SFI1: variants seen among roughly 807,000 people sequenced by gnomAD.
The protein encoded by SFI1 is SFI1 centrin binding protein, also known as protein SFI1 homolog.
A neutral mutation model predicts 207.5 loss-of-function variants in SFI1; 195 were observed. That is an observed-to-expected ratio of 0.94 (90% CI 0.84 to 1.06). The LOEUF (loss-of-function observed/expected upper bound fraction) is 1.06, where lower values mean the gene tolerates loss of function less well. SFI1 is among the 50% of genes least tolerant of loss of function. The pLI, the probability that SFI1 is intolerant of heterozygous loss-of-function variation, is 0.00. For synonymous variants in SFI1, 630 were observed against 598.9 expected (o/e 1.05, Z -0.76); for missense variants, 1,634 against 1,588.0 (o/e 1.03, Z -0.49).
chr22:31,611,729 T>G (rs1603352682), intron 23 of SFI1, 37 bp from the exon 24 acceptor site: 1 of 1,600,376 alleles, frequency 6.2e-7, no homozygotes, highest in Non-Finnish European at 8.5e-7. Context: ...CTAGGCTGGG[T>G]CAGGACGCCA....
At chr22:31,591,607 C>G (rs2065936778) in intron 15 of SFI1, among the ~76,000 whole-genome samples, 1 of 126,290 alleles carries the variant, frequency 7.9e-6, no homozygotes, top group Admixed American at 7.4e-5. Context: ...GCTGACCCCC[C>G]CCACCTCCCT....
intron 1 of SFI1, among the ~76,000 whole-genome samples, chr22:31,507,981 C>A (rs1051442746): frequency 1.3e-5 from 2 of 151,972 alleles, no homozygotes; most frequent in Non-Finnish European, 2.9e-5. Flanking sequence ...GAGGTTGAGG[C>A]AGGAGAATCG....
At chr22:31,564,066 A>G (rs1028893359) in intron 8 of SFI1, among the ~76,000 whole-genome samples, 14 of 151,446 alleles carry the variant, frequency 9.2e-5, no homozygotes, top group Non-Finnish European at 1.8e-4. Flanking sequence ...GGTGGCTCAC[A>G]CCTGTAATCC....
At position 31,618,454 on chromosome 22, in the gene SFI1, G is replaced by A. The variant is rs995374688; in HGVS notation, c.*36G>A. On this transcript the variant is annotated 3_prime_UTR_variant, in exon 33 of 33. Transcript: ENST00000400288. ...CCAGGAACGCAGGTGCTGGGCTGTC[G>A]GGGAGGCCTCAGGCCACCTCCAGGA... 1.7e-5 allele frequency: 26 copies of A among 1,496,568 alleles called. No individual in the cohort carries two copies. The highest frequency in any genetic ancestry group is 9.6e-5 in the Admixed American group (4 of 41,548). The allele number at this position is 1,496,568 out of a possible 1,614,324, so 92.7% of individuals were successfully genotyped here. A position where few individuals can be genotyped will look rare whatever the true frequency, so the allele number is the denominator to read the frequency against.
intron 12 of SFI1, among the ~76,000 whole-genome samples, chr22:31,582,220 A>ATATATATATATATAT (rs2064331670): frequency 2.8e-4 from 9 of 32,526 alleles, no homozygotes; most frequent in African/African-American, 9.0e-4. Flanking sequence ...ATATATATAT[A>ATATATATATATATAT]TATATATATA....
intron 31 of SFI1, among the ~76,000 whole-genome samples, chr22:31,617,419 A>T (rs1295981828): frequency 6.6e-6 from 1 of 152,036 alleles, no homozygotes; most frequent in Admixed American, 6.6e-5. Flanking sequence ...TATAACACTG[A>T]TATTAAAGGT....
chr22:31,519,551 C>T (rs2056959048), intron 2 of SFI1, among the ~76,000 whole-genome samples: 2 of 152,068 alleles, frequency 1.3e-5, no homozygotes. Context: ...ATTCTCCTGC[C>T]TCAGCCCCCC....
intron 4 of SFI1, among the ~76,000 whole-genome samples, chr22:31,537,073 T>C (rs1269761728): frequency 6.6e-6 from 1 of 152,078 alleles, no homozygotes; most frequent in East Asian, 1.9e-4. Context: ...CACCTGGAGA[T>C]TGGCAGTTAC....
chr22:31,578,130 A>G (rs1002995586), intron 10 of SFI1: 7 of 310,082 alleles, frequency 2.3e-5, no homozygotes, highest in African/African-American at 1.5e-4. Flanking sequence ...AGTTTATCTC[A>G]GGTATTTTTT....
In SFI1 at chr22:31,585,048, T is replaced by C. The variant is rs1364092935; in HGVS notation, c.1347-20T>C. On this transcript the variant is annotated intron_variant, in intron 13 of 32. Coordinates refer to ENST00000400288, the MANE Select transcript of SFI1 (RefSeq NM_001007467.3). ...GTTTTAAAAACTTGAAACCTGAAGG[T>C]GTTCTTCCTTTTGTTTCAGAATAGC... 6.2e-7 allele frequency: 1 copy of C among 1,610,152 alleles called. No individual in the cohort carries two copies. Among genetic ancestry groups the C allele is most frequent in the African/African-American group, 1.3e-5 (1 of 74,892 alleles).
At chr22:31,520,163 C>A (rs191662636) in intron 2 of SFI1, among the ~76,000 whole-genome samples, 145 of 150,348 alleles carry the variant, frequency 9.6e-4, no homozygotes, top group African/African-American at 3.2e-3. Flanking sequence ...CCTTTGTAAT[C>A]ACCACCTGTT....
At chr22:31,563,435 C>T (rs1297401945) in intron 8 of SFI1, among the ~76,000 whole-genome samples, 1 of 152,108 alleles carries the variant, frequency 6.6e-6, no homozygotes, top group African/African-American at 2.4e-5. Context: ...TATAGGGAAA[C>T]TAAACATAAT....
At chr22:31,509,621 A>AGGAG in intron 2 of SFI1, among the ~76,000 whole-genome samples, 1 of 152,188 alleles carries the variant, frequency 6.6e-6, no homozygotes. Context: ...CACTGACTCA[A>AGGAG]ATGTTAATAT....
intron 15 of SFI1, among the ~76,000 whole-genome samples, chr22:31,593,955 C>T (rs991155280): frequency 1.6e-5 from 2 of 122,488 alleles, no homozygotes; most frequent in African/African-American, 3.1e-5. Flanking sequence ...GCTTCGGCTC[C>T]GCATGAGAGG....
chr22:31,548,092 C>T (rs1290470495), intron 5 of SFI1, among the ~76,000 whole-genome samples: 4 of 151,866 alleles, frequency 2.6e-5, no homozygotes, highest in South Asian at 4.2e-4. Flanking sequence ...TGGTGGCAGG[C>T]GCCTGTAGTT....
intron 22 of SFI1, among the ~76,000 whole-genome samples, chr22:31,609,624 G>T (rs1259187606): frequency 6.6e-6 from 1 of 152,238 alleles, no homozygotes; most frequent in Non-Finnish European, 1.5e-5. Context: ...TAGCGTGTGT[G>T]TTAATGAGCA....
intron 21 of SFI1, among the ~76,000 whole-genome samples, chr22:31,607,379 G>T (rs1283884648): frequency 6.6e-6 from 1 of 152,082 alleles, no homozygotes; most frequent in African/African-American, 2.4e-5. Context: ...GAGTCGGGTG[G>T]ATCACTTGGG....
rs554969257 is a variant in SFI1 at position 31,612,507 on chromosome 22, A to C, written c.2491-635A>C. ...CGAGGCAGGAGGATCACTTGAGCCCAGAAGTTCAAGACCAGCCTGGGCAAC... is the reference window on the plus strand; with the variant it reads ...CGAGGCAGGAGGATCACTTGAGCCCCGAAGTTCAAGACCAGCCTGGGCAAC... On this transcript the variant is annotated intron_variant, in intron 24 of 32. Coordinates refer to ENST00000400288, the MANE Select transcript of SFI1 (RefSeq NM_001007467.3). The C allele has an allele frequency of 1.0e-4, 15 of 150,656 alleles. No individual in the cohort carries two copies. In the East Asian group the frequency reaches 2.8e-3, roughly 28 times the overall value. The allele number at this position is 150,656 out of a possible 1,614,324, so 9.3% of individuals were successfully genotyped here. A position where few individuals can be genotyped will look rare whatever the true frequency, so the allele number is the denominator to read the frequency against.
intron 14 of SFI1, among the ~76,000 whole-genome samples, chr22:31,588,182 T>C (rs1178467195): frequency 1.3e-5 from 2 of 152,168 alleles, no homozygotes; most frequent in Non-Finnish European, 2.9e-5. Context: ...GACGTTTTCT[T>C]CACACACATC....
Sources: allele counts gnomAD v4.1 joint callset (sites outside exome capture counted in the v4.1 genomes callset), GRCh38; gene constraint gnomAD v4.1.1; transcripts MANE v1.5; gene names NCBI Gene and HGNC (gene_info 2026-07-23, HGNC 2026-07-21).